RERE: variants seen among roughly 807,000 people sequenced by gnomAD.
RERE encodes the protein arginine-glutamic acid dipeptide repeats protein.
RERE carries 40 observed loss-of-function variants against 146.1 expected under a neutral mutation model. The observed-to-expected ratio is 0.27, with a 90% CI of 0.21 to 0.36. RERE has a LOEUF of 0.36. Among genes scored for constraint, RERE ranks in the 10% least tolerant of loss-of-function variants. The probability of loss-of-function intolerance (pLI) is 1.00; values close to 1 mark genes in which losing one functional copy is unlikely to be tolerated. For synonymous variants in RERE, 1,003 were observed against 866.0 expected (o/e 1.16, Z -2.78); for missense variants, 1,933 against 2,138.7 (o/e 0.90, Z 1.90).
chr1:8,416,339 A>C (rs1404248819), intron 12 of RERE, among the ~76,000 whole-genome samples: 2 of 152,186 alleles, frequency 1.3e-5, no homozygotes, highest in African/African-American at 4.8e-5. Flanking sequence ...TAATCCCAGC[A>C]CTTTGGGAGG....
chr1:8,519,485 T>C (rs6701192), intron 7 of RERE, among the ~76,000 whole-genome samples: 3,529 of 152,278 alleles, frequency 0.023, 116 homozygotes, highest in African/African-American at 0.079. Flanking sequence ...TGCTCTGTGA[T>C]TTTGAGGACA....
At chr1:8,444,419 G>C (rs1434332021) in intron 11 of RERE, among the ~76,000 whole-genome samples, 2 of 152,200 alleles carry the variant, frequency 1.3e-5, no homozygotes, top group Non-Finnish European at 2.9e-5. Context: ...ATAGGTGGAA[G>C]GGACTTGCCT....
chr1:8,720,183 G>C (rs994057489), intron 1 of RERE, among the ~76,000 whole-genome samples: 2 of 150,890 alleles, frequency 1.3e-5, no homozygotes, highest in African/African-American at 4.9e-5. Flanking sequence ...TGAGGCAGGA[G>C]AATCGCTTGA....
intron 10 of RERE, among the ~76,000 whole-genome samples, chr1:8,482,216 TTG>T (rs1347153860): frequency 2.5e-5 from 2 of 79,436 alleles, no homozygotes; most frequent in African/African-American, 1.5e-4. Flanking sequence ...CCTAATTGGA[TTG>T]TAAAAGTGGC....
intron 11 of RERE, among the ~76,000 whole-genome samples, chr1:8,444,713 A>G (rs1644294837): frequency 6.6e-6 from 1 of 152,094 alleles, no homozygotes; most frequent in Non-Finnish European, 1.5e-5. Context: ...TGCAATAGTG[A>G]GTGAGTTCTT....
chr1:8,398,473 G>C (rs193047089), intron 12 of RERE, among the ~76,000 whole-genome samples: 1 of 152,212 alleles, frequency 6.6e-6, no homozygotes, highest in Non-Finnish European at 1.5e-5. Flanking sequence ...GACCGCCCCA[G>C]TGTAAAATAA....
At chr1:8,548,090 A>C (rs1645888363) in intron 6 of RERE, among the ~76,000 whole-genome samples, 1 of 152,240 alleles carries the variant, frequency 6.6e-6, no homozygotes. Flanking sequence ...AAAAGAGCAA[A>C]GTACAAAAGA....
At chr1:8,398,784 C>G (rs915050848) in intron 12 of RERE, among the ~76,000 whole-genome samples, 1 of 152,130 alleles carries the variant, frequency 6.6e-6, no homozygotes, top group Admixed American at 6.5e-5. Context: ...CAGGGCCTTG[C>G]TATACATCGA....
intron 7 of RERE, among the ~76,000 whole-genome samples, chr1:8,530,408 C>T (rs954929632): frequency 2.0e-5 from 3 of 152,028 alleles, no homozygotes; most frequent in Non-Finnish European, 4.4e-5. Context: ...TGAAAATTGC[C>T]TAAGTTTTAT....
At chr1:8,732,154 G>A (rs1243444311) in intron 1 of RERE, among the ~76,000 whole-genome samples, 1 of 152,068 alleles carries the variant, frequency 6.6e-6, no homozygotes, top group East Asian at 1.9e-4. Flanking sequence ...GTGCCCCTAA[G>A]CATTTGTCCA....
rs368988153 is a variant in RERE, at chr1:8,388,469, G to A, written c.1285-22495C>T. ...TGAGTAGCTGGGACTACAGGCGCCC[G>A]CCACCGCGCCCGGCTAATTTTTTGT... On this transcript the variant is annotated intron_variant, in intron 12 of 22. Transcript: ENST00000400908. Among the ~76,000 whole-genome samples, 4 of 152,112 alleles carry A rather than the reference G, an allele frequency of 2.6e-5. No homozygotes were observed. The South Asian group carries it at 6.2e-4, about 24-fold the overall frequency.
chr1:8,747,449 A>G (rs552893918), intron 1 of RERE, among the ~76,000 whole-genome samples: 1 of 152,270 alleles, frequency 6.6e-6, no homozygotes, highest in South Asian at 2.1e-4. Flanking sequence ...TGAAGGCTCA[A>G]AGAAAGTTTT....
At chr1:8,681,153 CG>C (rs1014632765) in intron 1 of RERE, among the ~76,000 whole-genome samples, 2 of 152,090 alleles carry the variant, frequency 1.3e-5, no homozygotes, top group Non-Finnish European at 2.9e-5. Context: ...ATAAAACAAA[CG>C]GGGCAGGGGG....
intron 1 of RERE, among the ~76,000 whole-genome samples, chr1:8,691,308 C>T (rs1017783004): frequency 5.9e-5 from 9 of 152,072 alleles, no homozygotes; most frequent in Non-Finnish European, 7.4e-5. Flanking sequence ...TTTTTTGGTA[C>T]TAAGAGCTAA....
chr1:8,501,202 G>C (rs1407492526), intron 8 of RERE, among the ~76,000 whole-genome samples: 1 of 148,486 alleles, frequency 6.7e-6, no homozygotes, highest in Non-Finnish European at 1.5e-5. Flanking sequence ...GTCCGGGAGG[G>C]AGGTGGGGGG....
chr1:8,650,001 G>T (rs913901897), intron 2 of RERE, among the ~76,000 whole-genome samples: 1 of 152,114 alleles, frequency 6.6e-6, no homozygotes, highest in African/African-American at 2.4e-5. Context: ...CTTAAGAAAA[G>T]ATAAGAATTA....
intron 6 of RERE, among the ~76,000 whole-genome samples, chr1:8,547,685 T>C (rs1278955375): frequency 6.6e-6 from 1 of 152,202 alleles, no homozygotes; most frequent in Non-Finnish European, 1.5e-5. Flanking sequence ...ATAACACTTC[T>C]CACCTATCAG....
intron 4 of RERE, among the ~76,000 whole-genome samples, chr1:8,593,464 C>A (rs1198679657): frequency 6.6e-6 from 1 of 152,216 alleles, no homozygotes; most frequent in African/African-American, 2.4e-5. Flanking sequence ...CGTTCTCTTG[C>A]CTGCCACCAT....
At chr1:8,526,020 T>C in intron 7 of RERE, 4 of 1,263,370 alleles carry the variant, frequency 3.2e-6, no homozygotes, top group Non-Finnish European at 4.0e-6. Context: ...ACACACTGTC[T>C]CTCCACGACG....
Sources: gnomAD v4.1 joint callset for allele counts (sites outside exome capture counted in the v4.1 genomes callset) on GRCh38, gnomAD v4.1.1 for gene constraint, MANE v1.5 for transcripts, NCBI Gene and HGNC (gene_info 2026-07-23, HGNC 2026-07-21) for gene names.